ANKHD1: variants seen among roughly 807,000 people sequenced by gnomAD.
ANKHD1 encodes ankyrin repeat and KH domain containing 1.
A neutral mutation model predicts 230.5 loss-of-function variants in ANKHD1; 31 were observed. The observed-to-expected ratio is 0.13, with a 90% CI of 0.10 to 0.18. The LOEUF (loss-of-function observed/expected upper bound fraction) is 0.18. ANKHD1 is among the 10% of genes least tolerant of loss of function. ANKHD1 has a pLI of 1.00. For synonymous variants in ANKHD1, 1,074 were observed against 1,117.6 expected (o/e 0.96, Z 0.78); for missense variants, 2,256 against 3,071.3 (o/e 0.73, Z 6.27).
In ANKHD1 at chr5:140,401,843, T is replaced by C; in HGVS notation, c.-125T>C. On this transcript the variant is annotated 5_prime_UTR_variant, in exon 1 of 34. Coordinates refer to ENST00000360839, the MANE Select transcript of ANKHD1 (RefSeq NM_017747.3). ...GGCAGCAGGTTAGGCAGTGAGAAGT[T>C]AGTGGCGCTGCTGGGACGGGGGAAA... 1 of 1,392,580 alleles carries C rather than the reference T, an allele frequency of 7.2e-7. No homozygotes were observed. The highest frequency in any genetic ancestry group is 9.3e-7 in the Non-Finnish European group (1 of 1,076,282). The allele number at this position is 1,392,580 out of a possible 1,614,324, so 86.3% of individuals were successfully genotyped here.
chr5:140,448,376 T>A (rs1774452354), intron 6 of ANKHD1, among the ~76,000 whole-genome samples: 1 of 152,176 alleles, frequency 6.6e-6, no homozygotes, highest in Admixed American at 6.6e-5. Flanking sequence ...AACCTCTGAT[T>A]ATTTCCTTAG....
intron 7 of ANKHD1, among the ~76,000 whole-genome samples, chr5:140,454,206 T>C (rs1384899096): frequency 1.3e-5 from 2 of 152,116 alleles, no homozygotes; most frequent in Non-Finnish European, 2.9e-5. Context: ...CCCAGATTCA[T>C]AAAGCAAGTC....
chr5:140,512,708 G>T, intron 22 of ANKHD1, 120 bp from the exon 23 acceptor site: 3 of 765,908 alleles, frequency 3.9e-6, no homozygotes, highest in Non-Finnish European at 4.0e-6. Flanking sequence ...TAAATTGGTA[G>T]GCATATATGC....
At chr5:140,535,670 CA>C in intron 30 of ANKHD1, 132 bp downstream of exon 30, 1 of 1,225,400 alleles carries the variant, frequency 8.2e-7, no homozygotes, top group Non-Finnish European at 1.0e-6. Context: ...GTTCTGTGGT[CA>C]TGTGAAAAAA....
intron 5 of ANKHD1, 34 bp from the exon 6 acceptor site, chr5:140,445,705 TCTG>T (rs1432072902): frequency 6.9e-7 from 1 of 1,457,876 alleles, no homozygotes; most frequent in Non-Finnish European, 9.1e-7. Context: ...AAATATATAT[TCTG>T]CTCATGTATT....
intron 14 of ANKHD1, among the ~76,000 whole-genome samples, chr5:140,488,144 A>G (rs1751588362): frequency 2.6e-5 from 4 of 152,210 alleles, no homozygotes; most frequent in Admixed American, 2.6e-4. Flanking sequence ...ATGCATCTGT[A>G]AGTATCATAA....
At position 140,485,788 on chromosome 5, in the gene ANKHD1, G is replaced by A; in HGVS notation, c.2142+56G>A. The A allele has an allele frequency of 6.3e-7, 1 of 1,590,730 alleles. No individual in the cohort carries two copies. Among genetic ancestry groups the A allele is most frequent in the Non-Finnish European group, 8.5e-7 (1 of 1,174,176 alleles). On this transcript the variant is annotated intron_variant, in intron 13 of 33. Coordinates refer to ENST00000360839, the MANE Select transcript of ANKHD1 (RefSeq NM_017747.3). This position sits in a 1 kb window ranked among gnomAD's most constrained non-coding sequence, Gnocchi z 4.8. Reference sequence around the variant, plus strand: ...TAAATATTCTTCAACATGATTAGAAGTTTTTGTTTAAAATCAGTTTTAAGC... The same window carrying A: ...TAAATATTCTTCAACATGATTAGAAATTTTTGTTTAAAATCAGTTTTAAGC...
At chr5:140,458,312 T>C (rs1775373964) in intron 7 of ANKHD1, among the ~76,000 whole-genome samples, 1 of 152,190 alleles carries the variant, frequency 6.6e-6, no homozygotes, top group Non-Finnish European at 1.5e-5. Context: ...TCACAGTTTT[T>C]TGAACTTCAA....
intron 1 of ANKHD1, among the ~76,000 whole-genome samples, chr5:140,406,869 C>CT (rs1301581978): frequency 1.3e-5 from 2 of 152,088 alleles, no homozygotes; most frequent in East Asian, 3.9e-4. Flanking sequence ...TAAATACCTG[C>CT]TTCGTATTTC....
Position 140,527,156 on chromosome 5 carries a change from A to G in ANKHD1, c.5087+82A>G. On this transcript the variant is annotated intron_variant, in intron 27 of 33. Coordinates refer to ENST00000360839, the MANE Select transcript of ANKHD1 (RefSeq NM_017747.3). The surrounding 1 kb of genome is among the most constrained non-coding windows in gnomAD (Gnocchi z 4.5). Reference sequence around the variant, plus strand: ...AGATGGCTACCTAGTTAATTAATGAATAATTTGAATGTGGTTATTATTTTA... The same window carrying G: ...AGATGGCTACCTAGTTAATTAATGAGTAATTTGAATGTGGTTATTATTTTA... 1 of 1,446,046 alleles carries G rather than the reference A, an allele frequency of 6.9e-7. No homozygotes were observed. Among genetic ancestry groups the G allele is most frequent in the Non-Finnish European group, 9.1e-7 (1 of 1,094,230 alleles). The allele number at this position is 1,446,046 out of a possible 1,614,324, so 89.6% of individuals were successfully genotyped here. A position where few individuals can be genotyped will look rare whatever the true frequency, so the allele number is the denominator to read the frequency against.
At chr5:140,427,605 C>T (rs1772605392) in intron 1 of ANKHD1, among the ~76,000 whole-genome samples, 1 of 146,958 alleles carries the variant, frequency 6.8e-6, no homozygotes, top group South Asian at 2.1e-4. Flanking sequence ...GGGCTGACGC[C>T]CCCACCTCCC....
At chr5:140,444,878 T>A (rs139435800) in intron 5 of ANKHD1, among the ~76,000 whole-genome samples, 427 of 152,282 alleles carry the variant, frequency 2.8e-3, no homozygotes, top group African/African-American at 9.6e-3. Context: ...TTTCTGGCCT[T>A]TTTATATTGT....
At chr5:140,450,293 ATCTAT>A (rs1344660124) in intron 7 of ANKHD1, among the ~76,000 whole-genome samples, 1 of 102,330 alleles carries the variant, frequency 9.8e-6, no homozygotes, top group Non-Finnish European at 1.8e-5. Flanking sequence ...TATTACCTCT[ATCTAT>A]TTTTTTTTTT....
At chr5:140,421,020 A>G (rs555805891) in intron 1 of ANKHD1, among the ~76,000 whole-genome samples, 2 of 152,304 alleles carry the variant, frequency 1.3e-5, no homozygotes, top group African/African-American at 4.8e-5. Context: ...TAAACCATGT[A>G]ATTTAAATTT....
Position 140,526,019 on chromosome 5 carries a change from C to T in ANKHD1, c.4516C>T (p.Pro1506Ser), listed in dbSNP as rs1581375448. ...EDVEQEVPIEPPSATTTTTIG... is the reference protein window; with the variant it reads ...EDVEQEVPIESPSATTTTTIG... The stretch of plus-strand genomic sequence containing the variant: ...AGTGGAGCAAGAAGTTCCCATAGAA[C>T]CTCCTAGTGCAACCACCACCACTAC... Residue 1506 changes from proline to serine, a missense_variant, in exon 26 of 34, where the codon CCT becomes TCT. Around this residue, in one of 13 missense-constraint regions of ANKHD1, gnomAD observed 212 missense variants for 257.3 expected, o/e 0.82. Transcript: ENST00000360839. 6.3e-7 allele frequency: 1 copy of T among 1,583,654 alleles called. No homozygotes were observed. The highest frequency in any genetic ancestry group is 2.2e-5 in the East Asian group (1 of 44,742).
Position 140,497,171 on chromosome 5 carries a change from T to C in ANKHD1, c.2897T>C (p.Ile966Thr). The C allele has an allele frequency of 6.2e-7, 1 of 1,613,912 alleles. No individual in the cohort carries two copies. Among genetic ancestry groups the C allele is most frequent in the South Asian group, 1.1e-5 (1 of 91,070 alleles). ...GNQQIVGQPQ[I>T]AITGHDQGLL... ...CAGCAGATTGTAGGACAGCCTCAGA[T>C]TGCTATTACTGGACATGATCAGGGG... Residue 966 changes from isoleucine to threonine, a missense_variant, in exon 15 of 34, where the codon ATT (isoleucine) becomes ACT (threonine). Physicochemically the swap from Ile to Thr is moderately conservative, Grantham distance 89. Transcript: ENST00000360839.
At chr5:140,472,630 C>T (rs1270180913) in intron 10 of ANKHD1, among the ~76,000 whole-genome samples, 1 of 152,102 alleles carries the variant, frequency 6.6e-6, no homozygotes, top group Admixed American at 6.5e-5. Flanking sequence ...AAGTCCTTTG[C>T]ATTCAACTTT....
intron 22 of ANKHD1, among the ~76,000 whole-genome samples, chr5:140,512,132 A>G (rs1178732577): frequency 6.6e-6 from 1 of 151,580 alleles, no homozygotes; most frequent in African/African-American, 2.4e-5. Context: ...GCTACTCCGG[A>G]GGCTGAGGCA....
At chr5:140,523,798 T>C (rs1753477511) in intron 24 of ANKHD1, among the ~76,000 whole-genome samples, 1 of 152,026 alleles carries the variant, frequency 6.6e-6, no homozygotes, top group South Asian at 2.1e-4. Context: ...TGACCTCAGG[T>C]AATCCACCGA....
Sources: allele counts gnomAD v4.1 joint callset (sites outside exome capture counted in the v4.1 genomes callset), GRCh38; gene constraint gnomAD v4.1.1; regional missense constraint gnomAD v4.1.1; non-coding constraint Gnocchi (gnomAD v3.1); transcripts MANE v1.5; gene names NCBI Gene and HGNC (gene_info 2026-07-23, HGNC 2026-07-21).